The following NKAIN3 variants were observed in gnomAD, a reference collection of about 807,000 sequenced individuals.
NKAIN3 encodes the protein sodium/potassium-transporting ATPase subunit beta-1-interacting protein 3.
In NKAIN3, 25 loss-of-function variants were observed where a neutral mutation model predicts 30.2. The observed-to-expected ratio is 0.83, with a 90% CI of 0.60 to 1.16. NKAIN3 has a LOEUF of 1.16. Ranked by LOEUF, NKAIN3 falls within the 50% of genes most tolerant of loss-of-function variation. The pLI is 0.00. For synonymous variants in NKAIN3, 91 were observed against 89.6 expected (o/e 1.02, Z -0.09); for missense variants, 225 against 254.1 (o/e 0.89, Z 0.78).
chr8:62,402,356 C>G (rs1803901547), intron 1 of NKAIN3, among the ~76,000 whole-genome samples: 1 of 152,166 alleles, frequency 6.6e-6, no homozygotes, highest in South Asian at 2.1e-4. Flanking sequence ...AAGAAATGCT[C>G]TCTAAGAGCC....
intron 4 of NKAIN3, among the ~76,000 whole-genome samples, chr8:62,857,311 T>G (rs1276998604): frequency 2.6e-5 from 4 of 152,240 alleles, no homozygotes; most frequent in African/African-American, 9.6e-5. Flanking sequence ...AGAGATCTGA[T>G]GATTATGTAT....
intron 4 of NKAIN3, among the ~76,000 whole-genome samples, chr8:62,913,227 T>C (rs913419571): frequency 2.0e-5 from 3 of 149,788 alleles, no homozygotes; most frequent in East Asian, 1.9e-4. Flanking sequence ...AGTAGCATCA[T>C]TGTTTACTAT....
At chr8:62,475,535 C>T (rs1033820858) in intron 1 of NKAIN3, among the ~76,000 whole-genome samples, 5 of 152,122 alleles carry the variant, frequency 3.3e-5, no homozygotes, top group African/African-American at 9.7e-5. Flanking sequence ...AGTATATCTA[C>T]GGAGTTTTAC....
intron 1 of NKAIN3, among the ~76,000 whole-genome samples, chr8:62,439,082 G>T (rs573357110): frequency 2.0e-5 from 3 of 152,308 alleles, no homozygotes; most frequent in Admixed American, 2.0e-4. Flanking sequence ...AGCTAAAGAT[G>T]TTAGGCTTTA....
At chr8:62,869,679 G>C (rs985377356) in intron 4 of NKAIN3, among the ~76,000 whole-genome samples, 3 of 152,292 alleles carry the variant, frequency 2.0e-5, no homozygotes, top group South Asian at 4.1e-4. Context: ...AACCCCTTGC[G>C]GGGGGTAGGT....
At chr8:62,996,670 T>TG (rs1399357070) in intron 5 of NKAIN3, among the ~76,000 whole-genome samples, 3 of 152,098 alleles carry the variant, frequency 2.0e-5, no homozygotes, top group Admixed American at 6.6e-5. Flanking sequence ...CAAGATACAA[T>TG]GGGGGGTACA....
rs1226808281 is a variant in NKAIN3, at chr8:62,789,140, C to T, written c.471+42011C>T. ...ACCTTGGGCAGTATGGCCATTTTCACAATATTGATTCTTCCTACCCATGAG... is the reference window on the plus strand; with the variant it reads ...ACCTTGGGCAGTATGGCCATTTTCATAATATTGATTCTTCCTACCCATGAG... On this transcript the variant is annotated intron_variant, in intron 4 of 6. Transcript: ENST00000623646. 3.2e-4 allele frequency among the ~76,000 whole-genome samples: 49 copies of T among 152,150 alleles called. No individual in the cohort carries two copies. In the East Asian group the frequency reaches 8.1e-3, roughly 25 times the overall value.
chr8:62,997,057 G>A (rs921982961), intron 5 of NKAIN3, among the ~76,000 whole-genome samples: 2 of 152,184 alleles, frequency 1.3e-5, no homozygotes, highest in African/African-American at 2.4e-5. Context: ...GACTCTGTGT[G>A]GGGGCTCCAG....
At chr8:62,574,284 T>A (rs1810039424) in intron 1 of NKAIN3, among the ~76,000 whole-genome samples, 2 of 152,186 alleles carry the variant, frequency 1.3e-5, no homozygotes, top group Admixed American at 1.3e-4. Flanking sequence ...CTTTATCCTT[T>A]CATCTGTTAA....
At chr8:62,588,166 G>T (rs1810536472) in intron 2 of NKAIN3, among the ~76,000 whole-genome samples, 2 of 151,512 alleles carry the variant, frequency 1.3e-5, no homozygotes, top group South Asian at 4.2e-4. Context: ...GATTTATTTA[G>T]AATGGAAGAT....
chr8:62,949,252 T>C (rs563403767), intron 5 of NKAIN3, among the ~76,000 whole-genome samples: 1 of 152,304 alleles, frequency 6.6e-6, no homozygotes. Flanking sequence ...GTCAATCAGG[T>C]TTGCCATGGC....
intron 4 of NKAIN3, chr8:62,857,216 C>CCTG: frequency 8.4e-6 from 2 of 238,070 alleles, no homozygotes; most frequent in South Asian, 5.5e-5. Flanking sequence ...CACTGTTATT[C>CCTG]TCATGGGCTT....
intron 1 of NKAIN3, among the ~76,000 whole-genome samples, chr8:62,490,091 G>T (rs933358202): frequency 1.8e-4 from 28 of 152,226 alleles, no homozygotes; most frequent in African/African-American, 6.5e-4. Context: ...AACTATGATA[G>T]TCTTTCTGGT....
At chr8:62,625,847 AG>A (rs1811772016) in intron 3 of NKAIN3, among the ~76,000 whole-genome samples, 1 of 152,082 alleles carries the variant, frequency 6.6e-6, no homozygotes, top group Non-Finnish European at 1.5e-5. Flanking sequence ...CTATCCACAG[AG>A]GAGACTTGGA....
chr8:62,858,861 A>G (rs1820146432), intron 4 of NKAIN3, among the ~76,000 whole-genome samples: 1 of 152,168 alleles, frequency 6.6e-6, no homozygotes, highest in Non-Finnish European at 1.5e-5. Context: ...TGGAAGTGGG[A>G]CCCACAGGCC....
At chr8:62,720,985 G>T (rs1374650335) in intron 3 of NKAIN3, among the ~76,000 whole-genome samples, 1 of 152,168 alleles carries the variant, frequency 6.6e-6, no homozygotes, top group Non-Finnish European at 1.5e-5. Context: ...CGTCTTTATA[G>T]AGAGCCACGT....
rs1209372822 is a variant in NKAIN3, at chr8:62,445,677, T to C, written c.55-133862T>C. ...AGTAGAGATGGTGAGAGTTTCATTCTGTATTGGTCCTCTCTGTCCTCACTC... is the reference window on the plus strand; with the variant it reads ...AGTAGAGATGGTGAGAGTTTCATTCCGTATTGGTCCTCTCTGTCCTCACTC... On this transcript the variant is annotated intron_variant, in intron 1 of 6. Transcript: ENST00000623646. Among the ~76,000 whole-genome samples, 4 of 152,172 alleles carry C rather than the reference T, an allele frequency of 2.6e-5. No homozygotes were observed. The South Asian group carries it at 6.2e-4, about 24-fold the overall frequency.
intron 4 of NKAIN3, among the ~76,000 whole-genome samples, chr8:62,897,881 C>A (rs868162225): frequency 6.6e-6 from 1 of 152,116 alleles, no homozygotes. Context: ...CACAAGTTGA[C>A]GCAGCCTAAG....
intron 1 of NKAIN3, among the ~76,000 whole-genome samples, chr8:62,440,991 C>G (rs1315909359): frequency 6.6e-6 from 1 of 152,138 alleles, no homozygotes; most frequent in Non-Finnish European, 1.5e-5. Context: ...TTACCCGCCT[C>G]CATTTTGAAG....
Sources: allele counts gnomAD v4.1 joint callset (sites outside exome capture counted in the v4.1 genomes callset), GRCh38; gene constraint gnomAD v4.1.1; transcripts MANE v1.5; gene names NCBI Gene and HGNC (gene_info 2026-07-23, HGNC 2026-07-21).